The following ARMC7 variants were observed in gnomAD, a reference collection of about 807,000 sequenced individuals.
The protein encoded by ARMC7 is armadillo repeat containing 7.
A neutral mutation model predicts 14.8 loss-of-function variants in ARMC7; 9 were observed. The ratio of observed to expected loss-of-function variants is 0.61; its 90% CI spans 0.37 to 1.06. ARMC7 has a LOEUF of 1.06. Among genes scored for constraint, ARMC7 ranks in the 50% least tolerant of loss-of-function variants. The pLI, the probability that ARMC7 is intolerant of heterozygous loss-of-function variation, is 0.01. For missense variants in ARMC7, 262 were observed against 267.1 expected (o/e 0.98, Z 0.13); for synonymous variants, 125 against 123.4 (o/e 1.01, Z -0.09).
At chr17:75,110,692 G>C in intron 2 of ARMC7, 86 bp downstream of exon 2, 2 of 1,539,160 alleles carry the variant, frequency 1.3e-6, no homozygotes, top group Non-Finnish European at 1.8e-6. Context: ...GCCGGGCGTG[G>C]TGGCTCACAC....
rs1191841158 is a variant in ARMC7, at chr17:75,129,924, A to G, written c.*886A>G. 2 of 153,342 alleles carry G rather than the reference A, an allele frequency of 1.3e-5. No homozygotes were observed. The highest frequency in any genetic ancestry group is 2.9e-5 in the Non-Finnish European group (2 of 68,922). 9.5% of individuals were successfully genotyped at this position (153,342 alleles called of 1,614,324 possible). A position where few individuals can be genotyped will look rare whatever the true frequency, so the allele number is the denominator to read the frequency against. On this transcript the variant is annotated 3_prime_UTR_variant, in exon 3 of 3. Coordinates refer to ENST00000245543, the MANE Select transcript of ARMC7 (RefSeq NM_024585.4). The stretch of plus-strand genomic sequence containing the variant: ...TGAGTGTTGCTCAAGGGAGTCAGGA[A>G]GAGACGGCAACGTAAAGGATGTGGC...
At chr17:75,120,062 G>T (rs1398759188) in intron 2 of ARMC7, among the ~76,000 whole-genome samples, 1 of 152,068 alleles carries the variant, frequency 6.6e-6, no homozygotes, top group African/African-American at 2.4e-5. Flanking sequence ...GTGCCACCAT[G>T]CCCAGCTAAT....
intron 2 of ARMC7, among the ~76,000 whole-genome samples, chr17:75,117,756 G>T (rs963467004): frequency 6.6e-6 from 1 of 152,146 alleles, no homozygotes; most frequent in Non-Finnish European, 1.5e-5. Flanking sequence ...CTTATCTGAG[G>T]TCTCAGTGCC....
chr17:75,119,468 A>ATTTTT (rs2073997329), intron 2 of ARMC7, among the ~76,000 whole-genome samples: 1 of 63,766 alleles, frequency 1.6e-5, no homozygotes, highest in African/African-American at 5.5e-5. Context: ...TTTTTTTTTG[A>ATTTTT]GACGGAGTTT....
At chr17:75,126,587 GTT>G (rs113745613) in intron 2 of ARMC7, among the ~76,000 whole-genome samples, 1 of 143,630 alleles carries the variant, frequency 7.0e-6, no homozygotes. Flanking sequence ...TTTTGTTTTT[GTT>G]TTTTTTTTTT....
intron 2 of ARMC7, among the ~76,000 whole-genome samples, chr17:75,116,116 G>A (rs2073971309): frequency 6.6e-6 from 1 of 152,204 alleles, no homozygotes; most frequent in Admixed American, 6.6e-5. Context: ...GGGTGCCCAG[G>A]CAATGTCAGG....
intron 2 of ARMC7, among the ~76,000 whole-genome samples, chr17:75,119,141 T>TGTACATTG: frequency 6.6e-6 from 1 of 151,396 alleles, no homozygotes; most frequent in Non-Finnish European, 1.5e-5. Flanking sequence ...TACACTGGAC[T>TGTACATTG]GTACACTGGT....
chr17:75,111,641 G>T (rs139441190), intron 2 of ARMC7, among the ~76,000 whole-genome samples: 110 of 146,856 alleles, frequency 7.5e-4, no homozygotes, highest in African/African-American at 2.9e-3. Context: ...AGGAGGCTGA[G>T]GTGGGAGGAT....
chr17:75,123,515 G>T (rs1007946607), intron 2 of ARMC7, among the ~76,000 whole-genome samples: 1 of 151,596 alleles, frequency 6.6e-6, no homozygotes. Flanking sequence ...CACCGTGCCC[G>T]GCTAATTTTT....
At position 75,128,906 on chromosome 17, in the gene ARMC7, G is replaced by T; in HGVS notation, c.465G>T (p.Arg155Ser). 1.2e-6 allele frequency: 2 copies of T among 1,610,144 alleles called. No individual in the cohort carries two copies. Residue 155 changes from arginine to serine, a missense_variant, in exon 3 of 3, where the codon AGG (arginine) becomes AGT (serine). Physicochemically the swap from Arg to Ser is moderately radical, Grantham distance 110 (BLOSUM62 -1). Coordinates refer to ENST00000245543, the MANE Select transcript of ARMC7 (RefSeq NM_024585.4). Reference sequence around the variant, plus strand: ...GCTTCTCCCTCTCGGCCAGCGCCAGGCTCCGGAACCTGGCACAGATCTTCC... The same window carrying T: ...GCTTCTCCCTCTCGGCCAGCGCCAGTCTCCGGAACCTGGCACAGATCTTCC... The part of the protein sequence containing the change: ...MLRFSLSASA[R>S]LRNLAQIFLE...
Position 75,129,045 on chromosome 17 carries a change from G to A in ARMC7, c.*7G>A. 3 of 1,584,836 alleles carry A rather than the reference G, an allele frequency of 1.9e-6. No individual in the cohort carries two copies. The highest frequency in any genetic ancestry group is 2.6e-6 in the Non-Finnish European group (3 of 1,171,122). On this transcript the variant is annotated 3_prime_UTR_variant, in exon 3 of 3. Transcript: ENST00000245543. The stretch of plus-strand genomic sequence containing the variant: ...GGCCCCACGGCAGCGCTGATCCATG[G>A]AGACTGCGAGACCGTGGCACCCCTA...
At chr17:75,119,980 T>C (rs771242604) in intron 2 of ARMC7, among the ~76,000 whole-genome samples, 23 of 150,374 alleles carry the variant, frequency 1.5e-4, no homozygotes, top group Non-Finnish European at 3.0e-4. Flanking sequence ...TCTGGGCTCA[T>C]TGCAACCTCC....
intron 2 of ARMC7, among the ~76,000 whole-genome samples, chr17:75,119,410 A>C (rs1447317776): frequency 6.6e-6 from 1 of 151,000 alleles, no homozygotes; most frequent in Non-Finnish European, 1.5e-5. Flanking sequence ...AGGGACCAGA[A>C]TGGTGGTGAG....
intron 2 of ARMC7, among the ~76,000 whole-genome samples, chr17:75,116,257 T>C (rs1326020580): frequency 6.6e-6 from 1 of 152,214 alleles, no homozygotes; most frequent in Non-Finnish European, 1.5e-5. Flanking sequence ...CTAAAGTAGA[T>C]GTGCTTACAC....
At chr17:75,119,448 T>TTTTTG (rs200968780) in intron 2 of ARMC7, among the ~76,000 whole-genome samples, 4,616 of 135,790 alleles carry the variant, frequency 0.034, 260 homozygotes, top group African/African-American at 0.11. Context: ...GTGATACAGT[T>TTTTTG]TTTTCTTTTT....
At chr17:75,117,123 T>G (rs768797766) in intron 2 of ARMC7, among the ~76,000 whole-genome samples, 1 of 152,116 alleles carries the variant, frequency 6.6e-6, no homozygotes, top group Non-Finnish European at 1.5e-5. Flanking sequence ...GTTGCCCAGG[T>G]TGGAGTGCAA....
intron 2 of ARMC7, among the ~76,000 whole-genome samples, chr17:75,123,154 T>A (rs1232133180): frequency 6.6e-6 from 1 of 150,586 alleles, no homozygotes; most frequent in East Asian, 2.0e-4. Context: ...TTCTCTTGCC[T>A]CAGCCTCCCA....
intron 2 of ARMC7, among the ~76,000 whole-genome samples, chr17:75,120,924 T>C (rs976621587): frequency 2.6e-5 from 4 of 151,966 alleles, no homozygotes; most frequent in African/African-American, 9.7e-5. Context: ...TGTACATCCA[T>C]GTAAGCAGCT....
Position 75,128,864 on chromosome 17 carries a change from G to C in ARMC7, c.423G>C (p.Val141=). ...SFLPELTATP[V]VQCMLRFSLS... The stretch of plus-strand genomic sequence containing the variant: ...TCCCAGAGCTGACCGCCACGCCCGT[G>C]GTGCAGTGCATGCTTCGCTTCTCCC... Residue 141 remains valine (V), a synonymous_variant, in exon 3 of 3, where the codon GTG becomes GTC. Coordinates refer to ENST00000245543, the MANE Select transcript of ARMC7 (RefSeq NM_024585.4). 6.2e-7 allele frequency: 1 copy of C among 1,612,626 alleles called. No individual in the cohort carries two copies. The highest frequency in any genetic ancestry group is 1.1e-5 in the South Asian group (1 of 91,054).
Sources: gnomAD v4.1 joint callset for allele counts (sites outside exome capture counted in the v4.1 genomes callset) on GRCh38, gnomAD v4.1.1 for gene constraint, MANE v1.5 for transcripts, NCBI Gene and HGNC (gene_info 2026-07-23, HGNC 2026-07-21) for gene names.